Variants in NAV3 observed in about 807,000 individuals in gnomAD.
NAV3 encodes neuron navigator 3.
In NAV3, 87 loss-of-function variants were observed where a neutral mutation model predicts 244.7. The observed-to-expected ratio is 0.36, with a 90% confidence interval of 0.30 to 0.42. The LOEUF is 0.42. Among genes scored for constraint, NAV3 ranks in the 20% least tolerant of loss-of-function variants. The pLI is 1.00. For synonymous variants in NAV3, 1,126 were observed against 1,042.2 expected, an observed-to-expected ratio of 1.08 and a Z score of -1.55; for missense variants, 2,663 against 2,893.3, an observed-to-expected ratio of 0.92 and a Z score of 1.83.
chr12:78,074,405 T>G (rs908423104), intron 12 of NAV3, among the ~76,000 whole-genome samples: 2 of 151,996 alleles, frequency 1.3e-5, no homozygotes, highest in African/African-American at 2.4e-5. Context: ...GGAGGATAAA[T>G]AAAAGACATG....
chr12:77,585,144 T>C (rs1047368796), intron 2 of NAV3, among the ~76,000 whole-genome samples: 1 of 152,156 alleles, frequency 6.6e-6, no homozygotes, highest in Non-Finnish European at 1.5e-5. Context: ...CTATTGCTGG[T>C]CCAGGATGGT....
intron 3 of NAV3, among the ~76,000 whole-genome samples, chr12:77,963,066 A>C (rs776153806): frequency 6.6e-6 from 1 of 152,156 alleles, no homozygotes; most frequent in Admixed American, 6.6e-5. Flanking sequence ...AATAAAACAG[A>C]TTACAATTAT....
chr12:77,730,325 G>A (rs142601541), intron 2 of NAV3, among the ~76,000 whole-genome samples: 30 of 151,722 alleles, frequency 2.0e-4, no homozygotes, highest in Non-Finnish European at 4.1e-4. Context: ...AAGATGAATA[G>A]GATGAAATTT....
chr12:77,999,914 T>C (rs1335396537), intron 7 of NAV3, among the ~76,000 whole-genome samples: 1 of 152,162 alleles, frequency 6.6e-6, no homozygotes, highest in African/African-American at 2.4e-5. Context: ...AATAAAGATG[T>C]GTTAAATAGA....
chr12:78,018,445 C>T (rs1876599111), intron 8 of NAV3, among the ~76,000 whole-genome samples: 1 of 152,130 alleles, frequency 6.6e-6, no homozygotes, highest in South Asian at 2.1e-4. Flanking sequence ...AACTATACGG[C>T]TAAAATACAT....
chr12:77,631,470 G>GAA (rs199783357), intron 2 of NAV3, among the ~76,000 whole-genome samples: 1 of 134,792 alleles, frequency 7.4e-6, no homozygotes, highest in South Asian at 2.4e-4. Context: ...TAATCTTTTG[G>GAA]AAAAAAAAAA....
chr12:77,975,491 T>C (rs1421733214), intron 5 of NAV3, among the ~76,000 whole-genome samples: 1 of 152,206 alleles, frequency 6.6e-6, no homozygotes, highest in African/African-American at 2.4e-5. Context: ...GGGAACAATT[T>C]TTTGCTAATT....
chr12:77,752,669 T>C (rs77280589), intron 2 of NAV3, among the ~76,000 whole-genome samples: 3,642 of 152,258 alleles, frequency 0.024, 152 homozygotes, highest in African/African-American at 0.083. Flanking sequence ...TTAGCCTCAC[T>C]GAGCCTTTTT....
intron 34 of NAV3, among the ~76,000 whole-genome samples, chr12:78,193,546 A>G (rs1232486354): frequency 2.0e-5 from 3 of 152,146 alleles, no homozygotes; most frequent in Admixed American, 6.6e-5. Context: ...GCCAACTCCC[A>G]TCTGGTAGAT....
chr12:78,057,279 G>A (rs1001655226), intron 11 of NAV3, among the ~76,000 whole-genome samples: 3 of 152,180 alleles, frequency 2.0e-5, no homozygotes, highest in South Asian at 2.1e-4. Flanking sequence ...TTTAAGTCAC[G>A]TGACCAAACA....
intron 8 of NAV3, among the ~76,000 whole-genome samples, chr12:78,008,683 CT>C (rs58388558): frequency 0.21 from 31,987 of 151,836 alleles, 3,522 homozygotes; most frequent in Middle Eastern, 0.25. Context: ...AATGTAAGTG[CT>C]TTTTTTCTGA....
At chr12:78,092,450 GA>G (rs1218738288) in intron 12 of NAV3, among the ~76,000 whole-genome samples, 1 of 136,902 alleles carries the variant, frequency 7.3e-6, no homozygotes, top group East Asian at 2.2e-4. Context: ...TCTAATACCA[GA>G]AAGAAACTCA....
chr12:77,693,902 C>A (rs924963017), intron 2 of NAV3, among the ~76,000 whole-genome samples: 1 of 152,082 alleles, frequency 6.6e-6, no homozygotes, highest in Non-Finnish European at 1.5e-5. Context: ...TGTTTACAAT[C>A]TTTAATCCCA....
chr12:77,861,564 T>C (rs949958659), intron 1 of NAV3, among the ~76,000 whole-genome samples: 4 of 151,806 alleles, frequency 2.6e-5, no homozygotes, highest in African/African-American at 4.8e-5. Context: ...ACAAATGAAA[T>C]ATGACCTCTG....
intron 22 of NAV3, among the ~76,000 whole-genome samples, chr12:78,154,061 T>A (rs1957179279): frequency 6.8e-6 from 1 of 147,082 alleles, no homozygotes; most frequent in African/African-American, 2.5e-5. Flanking sequence ...ATACATAATA[T>A]ACTATATATT....
chr12:77,882,865 C>A (rs1882830644), intron 1 of NAV3, among the ~76,000 whole-genome samples: 1 of 152,044 alleles, frequency 6.6e-6, no homozygotes, highest in South Asian at 2.1e-4. Context: ...AAATGCAAAT[C>A]AAAAACCCTA....
chr12:77,819,303 C>T (rs904742198), intron 2 of NAV3, among the ~76,000 whole-genome samples: 2 of 151,790 alleles, frequency 1.3e-5, no homozygotes, highest in African/African-American at 4.8e-5. Flanking sequence ...ATTAACATAA[C>T]TATAATATAA....
At chr12:77,662,227 G>GTCTTTCTA in intron 2 of NAV3, among the ~76,000 whole-genome samples, 1 of 146,052 alleles carries the variant, frequency 6.8e-6, no homozygotes, top group Admixed American at 6.9e-5. Flanking sequence ...ATATCTATCT[G>GTCTTTCTA]TCTATCTATC....
intron 21 of NAV3, among the ~76,000 whole-genome samples, chr12:78,146,778 A>G (rs1029434772): frequency 4.6e-5 from 7 of 152,052 alleles, no homozygotes; most frequent in Non-Finnish European, 8.8e-5. Context: ...AGCCTCCACA[A>G]CACAGGATAC....
Sources: allele counts gnomAD v4.1 joint callset (sites outside exome capture counted in the v4.1 genomes callset), GRCh38; gene constraint gnomAD v4.1.1; transcripts MANE v1.5; gene names NCBI Gene and HGNC (gene_info 2026-07-23, HGNC 2026-07-21).